LRBA: variants seen among roughly 807,000 people sequenced by gnomAD.
LRBA encodes the protein LPS responsive beige-like anchor protein, also known as lipopolysaccharide-responsive and beige-like anchor protein.
A neutral mutation model predicts 330.0 loss-of-function variants in LRBA; 176 were observed. The observed-to-expected ratio is 0.53, with a 90% CI of 0.47 to 0.60. The LOEUF (loss-of-function observed/expected upper bound fraction) is 0.60. Among genes scored for constraint, LRBA ranks in the 20% least tolerant of loss-of-function variants. LRBA has a pLI of 0.00. For synonymous variants in LRBA, 1,230 were observed against 1,193.0 expected (o/e 1.03, Z -0.64); for missense variants, 3,259 against 3,444.8 (o/e 0.95, Z 1.35).
At chr4:150,301,305 A>C (rs1729645072) in intron 53 of LRBA, among the ~76,000 whole-genome samples, 1 of 152,090 alleles carries the variant, frequency 6.6e-6, no homozygotes. Context: ...TGTCTGTATA[A>C]ATGTGAAATA....
chr4:150,896,985 G>A (rs1730153975), intron 15 of LRBA, among the ~76,000 whole-genome samples: 1 of 147,892 alleles, frequency 6.8e-6, no homozygotes, highest in South Asian at 2.1e-4. Context: ...CACTAAAAAA[G>A]CTGCAATCTA....
At chr4:150,335,444 C>A (rs565221144) in intron 48 of LRBA, among the ~76,000 whole-genome samples, 1 of 145,178 alleles carries the variant, frequency 6.9e-6, no homozygotes, top group Non-Finnish European at 1.5e-5. Context: ...TATATATACA[C>A]GTATATATGT....
intron 47 of LRBA, among the ~76,000 whole-genome samples, chr4:150,354,638 C>T (rs950058340): frequency 6.6e-6 from 1 of 151,978 alleles, no homozygotes; most frequent in Non-Finnish European, 1.5e-5. Context: ...TATGAAAAGA[C>T]TATCATATGA....
At chr4:150,542,708 C>T (rs541317445) in intron 40 of LRBA, among the ~76,000 whole-genome samples, 11 of 152,208 alleles carry the variant, frequency 7.2e-5, no homozygotes, top group Non-Finnish European at 1.6e-4. Flanking sequence ...ATGATGCTAG[C>T]CAGTTCCTGC....
chr4:150,897,520 A>G (rs1302478139), intron 15 of LRBA, among the ~76,000 whole-genome samples: 1 of 152,098 alleles, frequency 6.6e-6, no homozygotes, highest in Non-Finnish European at 1.5e-5. Context: ...ACAAATTTAT[A>G]TAACATAAAA....
chr4:150,701,400 GTATTA>G (rs1168740466), intron 36 of LRBA, among the ~76,000 whole-genome samples: 1 of 152,060 alleles, frequency 6.6e-6, no homozygotes, highest in Non-Finnish European at 1.5e-5. Context: ...TCATTACCAA[GTATTA>G]TATAATTGTG....
At chr4:150,797,231 T>G (rs1260766861) in intron 34 of LRBA, among the ~76,000 whole-genome samples, 2 of 151,942 alleles carry the variant, frequency 1.3e-5, no homozygotes, top group Non-Finnish European at 2.9e-5. Context: ...CAAAGAAACA[T>G]TAATTTTGCA....
rs1733180594 is a variant in LRBA at position 150,325,853 on chromosome 4, G to C, written c.7408C>G (p.Leu2470Val). ...IRSFGQTPSQLLIEPHPPRGS... is the reference protein window; with the variant it reads ...IRSFGQTPSQVLIEPHPPRGS... Reference sequence around the variant, plus strand: ...CTGGGAGGATGGGGCTCTATGAGTAGTTGAGAAGGAGTCTGTCCAAAACTT... The same window carrying C: ...CTGGGAGGATGGGGCTCTATGAGTACTTGAGAAGGAGTCTGTCCAAAACTT... The change falls in exon 49 of 57, where the codon CTA becomes GTA. Residue 2470 changes from leucine to valine, a missense_variant. Leu to Val is a conservative substitution (Grantham distance 32, BLOSUM62 1). Coordinates refer to ENST00000651943, the MANE Select transcript of LRBA (RefSeq NM_001364905.1). 2 of 1,613,438 alleles carry C rather than the reference G, an allele frequency of 1.2e-6. No individual in the cohort carries two copies. Among genetic ancestry groups the C allele is most frequent in the African/African-American group, 1.3e-5 (1 of 74,898 alleles).
chr4:150,328,824 C>T (rs1024946881), intron 48 of LRBA, among the ~76,000 whole-genome samples: 7 of 152,064 alleles, frequency 4.6e-5, no homozygotes, highest in East Asian at 1.9e-4. Context: ...TGGGCAGTAA[C>T]GCCAACTATG....
chr4:150,583,426 C>T lies in LRBA; in HGVS notation c.6330+4622G>A. 6.2e-7 allele frequency: 1 copy of T among 1,613,934 alleles called. No homozygotes were observed. Among genetic ancestry groups the T allele is most frequent in the Non-Finnish European group, 8.5e-7 (1 of 1,180,030 alleles). On this transcript the variant is annotated intron_variant, in intron 40 of 56. Transcript: ENST00000651943. The surrounding 1 kb of genome is among the most constrained non-coding windows in gnomAD (Gnocchi z 9.8). Reference sequence around the variant, plus strand: ...AGCGCGTAAGATCCGCTCGCGTTTCCAGACGCTGGTGGCCCAGGCGGTGGA... The same window carrying T: ...AGCGCGTAAGATCCGCTCGCGTTTCTAGACGCTGGTGGCCCAGGCGGTGGA...
intron 48 of LRBA, among the ~76,000 whole-genome samples, chr4:150,335,307 T>C (rs1040984813): frequency 2.0e-5 from 3 of 151,770 alleles, no homozygotes; most frequent in Admixed American, 6.6e-5. Flanking sequence ...ACATAGAAAC[T>C]AGTTCATAAT....
chr4:150,823,401 C>A (rs1368301170), intron 30 of LRBA, among the ~76,000 whole-genome samples: 2 of 152,084 alleles, frequency 1.3e-5, no homozygotes, highest in African/African-American at 4.8e-5. Flanking sequence ...ATATAATCCC[C>A]AGTCTGTGGG....
intron 2 of LRBA, among the ~76,000 whole-genome samples, chr4:150,954,289 G>A (rs1386403360): frequency 7.9e-5 from 12 of 152,072 alleles, no homozygotes; most frequent in South Asian, 2.1e-4. Flanking sequence ...CATTGAGAAC[G>A]GGCCATGATG....
intron 30 of LRBA, among the ~76,000 whole-genome samples, chr4:150,818,548 G>GTGTA (rs1560862823): frequency 6.6e-6 from 1 of 150,982 alleles, no homozygotes; most frequent in East Asian, 1.9e-4. Flanking sequence ...GTGTGTGTGT[G>GTGTA]TGTGTGTGTG....
chr4:150,443,874 T>TATATATATATATATATA (rs1561185911), intron 44 of LRBA, among the ~76,000 whole-genome samples: 1 of 28,046 alleles, frequency 3.6e-5, no homozygotes. Flanking sequence ...ATATATATAT[T>TATATATATATATATATA]TTTTTTTTTT....
At chr4:150,958,382 C>T (rs532737673) in intron 2 of LRBA, among the ~76,000 whole-genome samples, 1 of 149,096 alleles carries the variant, frequency 6.7e-6, no homozygotes, top group African/African-American at 2.6e-5. Context: ...GGATGCAGGG[C>T]ACAATGTCCC....
intron 47 of LRBA, among the ~76,000 whole-genome samples, chr4:150,389,633 C>T (rs886067437): frequency 2.2e-5 from 3 of 135,680 alleles, no homozygotes; most frequent in South Asian, 2.3e-4. Context: ...GCCAGGATCA[C>T]GCCACTGCAC....
chr4:150,533,025 G>A (rs1446436678), intron 40 of LRBA, among the ~76,000 whole-genome samples: 4 of 152,056 alleles, frequency 2.6e-5, no homozygotes, highest in African/African-American at 9.7e-5. Context: ...AGCAAATGTT[G>A]AAAAACTTAA....
At position 150,965,701 on chromosome 4, in the gene LRBA, G is replaced by A. The variant is rs532675062; in HGVS notation, c.217-36636C>T. Among the ~76,000 whole-genome samples the A allele has an allele frequency of 9.2e-5, 14 of 151,646 alleles. No homozygotes were observed. In the East Asian group the frequency reaches 2.1e-3, roughly 23 times the overall value. On this transcript the variant is annotated intron_variant, in intron 2 of 56. Coordinates refer to ENST00000651943, the MANE Select transcript of LRBA (RefSeq NM_001364905.1). ...ACTATAGGCACATACGACCATGCCC[G>A]GCTAATTTTTTTTTTTTTTTTTAAT... is the stretch of plus-strand genomic sequence containing the variant.
Sources: allele counts gnomAD v4.1 joint callset (sites outside exome capture counted in the v4.1 genomes callset), GRCh38; gene constraint gnomAD v4.1.1; non-coding constraint Gnocchi (gnomAD v3.1); transcripts MANE v1.5; gene names NCBI Gene and HGNC (gene_info 2026-07-23, HGNC 2026-07-21).